The following SPEN variants were observed in gnomAD, a reference collection of about 807,000 sequenced individuals.
The protein encoded by SPEN is msx2-interacting protein.
In SPEN, 18 loss-of-function variants were observed where a neutral mutation model predicts 269.9. The observed-to-expected ratio is 0.07, with a 90% CI of 0.05 to 0.10. The LOEUF is 0.10. Ranked by LOEUF, SPEN falls within the 10% of genes least tolerant of loss-of-function variation. SPEN has a pLI of 1.00. For synonymous variants in SPEN, 1,726 were observed against 1,765.7 expected (o/e 0.98, Z 0.56); for missense variants, 3,822 against 4,631.2 (o/e 0.83, Z 5.07).
chr1:15,873,208 G>T (rs2070599411), intron 2 of SPEN, 72 bp downstream of exon 2: 1 of 1,477,740 alleles, frequency 6.8e-7, no homozygotes, highest in East Asian at 2.3e-5. Context: ...CATATTTAGG[G>T]GCCCCAGATG....
intron 3 of SPEN, among the ~76,000 whole-genome samples, chr1:15,888,117 CT>C (rs1024122136): frequency 2.0e-5 from 3 of 148,972 alleles, no homozygotes; most frequent in South Asian, 2.1e-4. Context: ...ATTTATTTGT[CT>C]TTTTTTTTGA....
Position 15,937,844 on chromosome 1 carries a change from C to G in SPEN, c.10542C>G (p.Ala3514=). 6.2e-7 allele frequency: 1 copy of G among 1,614,080 alleles called. No homozygotes were observed. The highest frequency in any genetic ancestry group is 1.3e-5 in the African/African-American group (1 of 75,068). The change falls in exon 13 of 15, where the codon GCC becomes GCG. Residue 3514 remains alanine (A), a synonymous_variant. Transcript: ENST00000375759. This position sits in a 1 kb window ranked among gnomAD's most constrained non-coding sequence, Gnocchi z 5.7. ...KYPIVWQGLL[A]LKNDTAAVQL... The stretch of plus-strand genomic sequence containing the variant: ...CCATCGTGTGGCAGGGCCTGCTGGC[C>G]CTCAAGAATGACACAGCTGCTGTGC...
At chr1:15,865,440 C>G (rs375043403) in intron 1 of SPEN, among the ~76,000 whole-genome samples, 7 of 39,420 alleles carry the variant, frequency 1.8e-4, no homozygotes, top group African/African-American at 7.1e-4. Context: ...TTTTTTTTTT[C>G]TGAGACGGTG....
At chr1:15,886,112 A>T (rs1570005457) in intron 3 of SPEN, among the ~76,000 whole-genome samples, 1 of 152,080 alleles carries the variant, frequency 6.6e-6, no homozygotes, top group East Asian at 1.9e-4. Flanking sequence ...ATTTTAGTAA[A>T]GTTTTGTTTT....
At chr1:15,849,895 A>G (rs141355725) in intron 1 of SPEN, among the ~76,000 whole-genome samples, 3 of 152,222 alleles carry the variant, frequency 2.0e-5, no homozygotes, top group African/African-American at 7.2e-5. Context: ...ATTCGTATGC[A>G]CCGATGTACA....
chr1:15,895,773 C>T (rs2070836133), intron 3 of SPEN, among the ~76,000 whole-genome samples: 1 of 151,316 alleles, frequency 6.6e-6, no homozygotes, highest in Admixed American at 6.6e-5. Context: ...CTCTGCCTCC[C>T]AGGTTCAAGC....
At position 15,929,591 on chromosome 1, in the gene SPEN, G is replaced by T; in HGVS notation, c.3351G>T (p.Gln1117His). The T allele has an allele frequency of 7.4e-6, 12 of 1,614,074 alleles. No homozygotes were observed. The highest frequency in any genetic ancestry group is 1.0e-5 in the Non-Finnish European group (12 of 1,179,992). ...CAAAACCACAGCTCAAACAGCTGCAGGTATTAGATGATCAAGGACCAGAGA... is the reference window on the plus strand; with the variant it reads ...CAAAACCACAGCTCAAACAGCTGCATGTATTAGATGATCAAGGACCAGAGA... ...IPSKPQLKQL[Q>H]VLDDQGPERE... The change falls in exon 11 of 15, where the codon CAG becomes CAT. Residue 1117 changes from glutamine (Q) to histidine (H), a missense_variant. Around this residue, in one of 16 missense-constraint regions of SPEN, gnomAD observed 572 missense variants for 582.6 expected, o/e 0.98. Transcript: ENST00000375759. This position sits in a 1 kb window ranked among gnomAD's most constrained non-coding sequence, Gnocchi z 5.8.
At chr1:15,872,414 A>G (rs1019624897) in intron 1 of SPEN, among the ~76,000 whole-genome samples, 1 of 151,910 alleles carries the variant, frequency 6.6e-6, no homozygotes, top group African/African-American at 2.4e-5. Flanking sequence ...AACACGGTGA[A>G]ACCCCGTCTC....
At position 15,929,309 on chromosome 1, in the gene SPEN, C is replaced by A. The variant is rs1470596742; in HGVS notation, c.3069C>A (p.Ser1023=). 1.2e-6 allele frequency: 2 copies of A among 1,613,992 alleles called. No homozygotes were observed. Among genetic ancestry groups the A allele is most frequent in the Non-Finnish European group, 1.7e-6 (2 of 1,180,020 alleles). The stretch of plus-strand genomic sequence containing the variant: ...TTTCAAAAAAGCAGCCTGACGTGTC[C>A]TCTAGAGAGGTCATTCTGCTGAGGG... ...RVLSKKQPDV[S]SREVILLREG... The change falls in exon 11 of 15, where the codon TCC becomes TCA. Residue 1023 remains serine (S), a synonymous_variant. Transcript: ENST00000375759. The surrounding 1 kb of genome is among the most constrained non-coding windows in gnomAD (Gnocchi z 5.8).
At chr1:15,886,220 G>A (rs1386829554) in intron 3 of SPEN, among the ~76,000 whole-genome samples, 1 of 152,198 alleles carries the variant, frequency 6.6e-6, no homozygotes, top group African/African-American at 2.4e-5. Context: ...GACCCATATT[G>A]CTGAAGTGGG....
At chr1:15,858,211 A>G (rs2070406416) in intron 1 of SPEN, among the ~76,000 whole-genome samples, 2 of 150,660 alleles carry the variant, frequency 1.3e-5, no homozygotes, top group African/African-American at 4.9e-5. Flanking sequence ...GCCTTGTCCT[A>G]CCAAAGTGCT....
At chr1:15,926,694 CTTT>C (rs201031337) in intron 10 of SPEN, among the ~76,000 whole-genome samples, 6 of 133,838 alleles carry the variant, frequency 4.5e-5, no homozygotes, top group Admixed American at 7.5e-5. Flanking sequence ...TTCTAGTGTT[CTTT>C]TTTTTTTTTT....
At chr1:15,920,812 C>A (rs2071110656) in intron 8 of SPEN, 58 bp from the exon 9 acceptor site, 2 of 878,240 alleles carry the variant, frequency 2.3e-6, no homozygotes, top group South Asian at 3.9e-5. Context: ...TTTGTTGGGA[C>A]TGACACTAAG....
At chr1:15,893,778 G>A (rs934281528) in intron 3 of SPEN, among the ~76,000 whole-genome samples, 5 of 152,086 alleles carry the variant, frequency 3.3e-5, no homozygotes, top group East Asian at 1.9e-4. Flanking sequence ...GGCTCCCGCC[G>A]TAATCCCAGC....
chr1:15,876,258 G>A lies in SPEN; in HGVS notation c.461G>A (p.Arg154Gln), dbSNP rs1159912329. 1.2e-5 allele frequency: 20 copies of A among 1,613,930 alleles called. No individual in the cohort carries two copies. Among genetic ancestry groups the A allele is most frequent in the South Asian group, 2.2e-5 (2 of 91,072 alleles). The change falls in exon 3 of 15, where the codon CGG (arginine) becomes CAG (glutamine). Residue 154 changes from arginine to glutamine, a missense_variant. By Grantham distance (43) the Arg-to-Gln change is conservative. Transcript: ENST00000375759. ...YEHSAYGHHE[R>Q]GTGGFDRTRH... ...CATAGTGCCTATGGACACCATGAAC[G>A]GGGGACGGGAGGATTTGATCGGACA...
intron 3 of SPEN, among the ~76,000 whole-genome samples, chr1:15,892,285 G>C (rs534926782): frequency 6.6e-6 from 1 of 152,002 alleles, no homozygotes; most frequent in African/African-American, 2.4e-5. Context: ...CTGCCTCTCA[G>C]AGTGCTGGGA....
intron 3 of SPEN, among the ~76,000 whole-genome samples, chr1:15,879,955 C>A (rs984811666): frequency 6.6e-6 from 1 of 152,018 alleles, no homozygotes; most frequent in Non-Finnish European, 1.5e-5. Context: ...CAGGCGTGAG[C>A]CACCGCGCCT....
At chr1:15,919,319 T>C (rs2071094839) in intron 7 of SPEN, 85 bp from the exon 8 acceptor site, 1 of 909,292 alleles carries the variant, frequency 1.1e-6, no homozygotes, top group Non-Finnish European at 1.7e-6. Flanking sequence ...AAGATTACTA[T>C]AGAAAACCAG....
In SPEN at chr1:15,935,441, C is replaced by A. The variant is rs769131237; in HGVS notation, c.9201C>A (p.Phe3067Leu). The stretch of plus-strand genomic sequence containing the variant: ...CTGCAGGCATCCCAGTGCCCCAGTT[C>A]ATCTCCAGCATCCACCCAGAGCAGT... ...MLAAGIPVPQ[F>L]ISSIHPEQSV... The change falls in exon 11 of 15, where the codon TTC (phenylalanine) becomes TTA (leucine). Residue 3067 changes from phenylalanine to leucine, a missense_variant. Around this residue, in one of 16 missense-constraint regions of SPEN, gnomAD observed 153 missense variants for 228.5 expected, o/e 0.67. Coordinates refer to ENST00000375759, the MANE Select transcript of SPEN (RefSeq NM_015001.3). The surrounding 1 kb of genome is among the most constrained non-coding windows in gnomAD (Gnocchi z 7.7). 2.5e-6 allele frequency: 4 copies of A among 1,614,170 alleles called. No homozygotes were observed. Among genetic ancestry groups the A allele is most frequent in the Non-Finnish European group, 1.7e-6 (2 of 1,180,034 alleles).
Sources: gnomAD v4.1 joint callset for allele counts (sites outside exome capture counted in the v4.1 genomes callset) on GRCh38, gnomAD v4.1.1 for gene constraint, gnomAD v4.1.1 regional missense constraint, Gnocchi (gnomAD v3.1) non-coding constraint, MANE v1.5 for transcripts, NCBI Gene and HGNC (gene_info 2026-07-23, HGNC 2026-07-21) for gene names.